The following BCKDHB variants were observed in gnomAD, a reference collection of about 807,000 sequenced individuals.
BCKDHB encodes 2-oxoisovalerate dehydrogenase subunit beta, mitochondrial.
BCKDHB carries 41 observed loss-of-function variants against 48.5 expected under a neutral mutation model. The observed-to-expected ratio is 0.85, with a 90% CI of 0.66 to 1.10. The LOEUF (loss-of-function observed/expected upper bound fraction) is 1.10. Ranked by LOEUF, BCKDHB falls within the 50% of genes least tolerant of loss-of-function variation. The pLI is 0.00. For missense variants in BCKDHB, 496 were observed against 494.2 expected (o/e 1.00, Z -0.03); for synonymous variants, 201 against 174.8 (o/e 1.15, Z -1.18).
intron 9 of BCKDHB, among the ~76,000 whole-genome samples, chr6:80,290,861 T>C (rs58465865): frequency 0.03 from 4,602 of 152,288 alleles, 86 homozygotes; most frequent in East Asian, 0.052. Context: ...AAGGGATGGA[T>C]TATTTATGCC....
intron 1 of BCKDHB, among the ~76,000 whole-genome samples, chr6:80,121,346 G>A (rs1770007489): frequency 6.6e-6 from 1 of 152,160 alleles, no homozygotes; most frequent in Non-Finnish European, 1.5e-5. Context: ...GGCTATGTGT[G>A]CTCTTTTTTG....
At chr6:80,210,365 A>G (rs1774866612) in intron 8 of BCKDHB, among the ~76,000 whole-genome samples, 2 of 152,118 alleles carry the variant, frequency 1.3e-5, no homozygotes, top group African/African-American at 2.4e-5. Flanking sequence ...TTTATTTTAT[A>G]TAGAGGTAAA....
intron 3 of BCKDHB, among the ~76,000 whole-genome samples, chr6:80,158,393 A>G (rs1391477204): frequency 2.6e-5 from 4 of 152,218 alleles, no homozygotes; most frequent in Admixed American, 2.0e-4. Flanking sequence ...CAAGGTTCAC[A>G]AACAGCTATT....
chr6:80,160,893 T>C (rs1432829509), intron 3 of BCKDHB, among the ~76,000 whole-genome samples: 2 of 152,224 alleles, frequency 1.3e-5, no homozygotes, highest in East Asian at 3.8e-4. Flanking sequence ...ATTTATTTCT[T>C]TTATTTTAGT....
chr6:80,200,063 CAAAAAAAAA>C (rs55737130), intron 6 of BCKDHB, among the ~76,000 whole-genome samples: 3 of 32,774 alleles, frequency 9.2e-5, no homozygotes, highest in African/African-American at 1.8e-4. Context: ...GACCCTGTCT[CAAAAAAAAA>C]AAAAAAAAAA....
intron 8 of BCKDHB, among the ~76,000 whole-genome samples, chr6:80,252,738 G>A (rs889817572): frequency 6.6e-6 from 1 of 152,084 alleles, no homozygotes; most frequent in African/African-American, 2.4e-5. Flanking sequence ...GTATAGTTAT[G>A]TATAAATCTG....
intron 3 of BCKDHB, among the ~76,000 whole-genome samples, chr6:80,135,104 CTT>C (rs1343113422): frequency 1.3e-5 from 2 of 152,032 alleles, no homozygotes; most frequent in East Asian, 1.9e-4. Flanking sequence ...TCTTTGCTCT[CTT>C]ATATATTTTT....
At chr6:80,153,410 A>G (rs1771887444) in intron 3 of BCKDHB, among the ~76,000 whole-genome samples, 1 of 152,120 alleles carries the variant, frequency 6.6e-6, no homozygotes. Context: ...TACTGTAGAC[A>G]TCTTCCAGCT....
At chr6:80,173,596 T>C (rs1455880924) in intron 6 of BCKDHB, among the ~76,000 whole-genome samples, 2 of 152,176 alleles carry the variant, frequency 1.3e-5, no homozygotes, top group African/African-American at 2.4e-5. Flanking sequence ...TTTGTGTTAG[T>C]AGCCCTATAG....
intron 3 of BCKDHB, among the ~76,000 whole-genome samples, chr6:80,139,223 GT>G (rs1771057869): frequency 6.6e-6 from 1 of 152,066 alleles, no homozygotes; most frequent in Non-Finnish European, 1.5e-5. Context: ...AGATGAGTAA[GT>G]TGTGAAAATT....
chr6:80,160,714 G>C (rs1475567573), intron 3 of BCKDHB, among the ~76,000 whole-genome samples: 1 of 152,158 alleles, frequency 6.6e-6, no homozygotes, highest in Non-Finnish European at 1.5e-5. Context: ...AACACTATTA[G>C]AAAGCGATGG....
chr6:80,141,753 C>G (rs1771225099), intron 3 of BCKDHB, among the ~76,000 whole-genome samples: 1 of 151,902 alleles, frequency 6.6e-6, no homozygotes, highest in South Asian at 2.1e-4. Context: ...AAAATGAGAC[C>G]ATGTGTATTT....
chr6:80,246,590 AG>A (rs70981412), intron 8 of BCKDHB, among the ~76,000 whole-genome samples: 7,245 of 152,252 alleles, frequency 0.048, 223 homozygotes, highest in Non-Finnish European at 0.074. Flanking sequence ...TACTGAAATC[AG>A]GGAAAGACAG....
At chr6:80,384,298 C>T in the BCKDHB span, among the ~76,000 whole-genome samples, 3 of 152,092 alleles carry the variant, frequency 2.0e-5, no homozygotes, top group African/African-American at 2.4e-5. Context: ...CCATGCTGGA[C>T]GCTTTCTGCC....
chr6:80,146,448 A>T (rs978259778), intron 3 of BCKDHB, among the ~76,000 whole-genome samples: 3 of 152,180 alleles, frequency 2.0e-5, no homozygotes, highest in African/African-American at 7.2e-5. Flanking sequence ...AAAAGAAGCA[A>T]TTGAACATAG....
chr6:80,275,754 A>C (rs1454782947), intron 9 of BCKDHB, among the ~76,000 whole-genome samples: 1 of 151,882 alleles, frequency 6.6e-6, no homozygotes, highest in East Asian at 1.9e-4. Flanking sequence ...TAACTCTTTC[A>C]TGCAGATATT....
intron 8 of BCKDHB, among the ~76,000 whole-genome samples, chr6:80,247,392 A>G (rs939383945): frequency 2.0e-5 from 3 of 152,234 alleles, no homozygotes; most frequent in African/African-American, 7.2e-5. Context: ...TCACACAAGA[A>G]GAATACTCAA....
At chr6:80,121,149 G>T (rs1018981853) in intron 1 of BCKDHB, among the ~76,000 whole-genome samples, 1 of 152,054 alleles carries the variant, frequency 6.6e-6, no homozygotes, top group Non-Finnish European at 1.5e-5. Flanking sequence ...TTTTTGTCAG[G>T]TTTATTAAAG....
intron 8 of BCKDHB, among the ~76,000 whole-genome samples, chr6:80,239,860 A>G (rs1237471481): frequency 1.3e-5 from 2 of 152,190 alleles, no homozygotes; most frequent in African/African-American, 4.8e-5. Context: ...TAAATAGGGA[A>G]TCCTTTCCCC....
Sources: allele counts gnomAD v4.1 joint callset (sites outside exome capture counted in the v4.1 genomes callset), GRCh38; gene constraint gnomAD v4.1.1; transcripts MANE v1.5; gene names NCBI Gene and HGNC (gene_info 2026-07-23, HGNC 2026-07-21).